Variants in EIF5B observed in about 807,000 individuals in gnomAD.
EIF5B encodes eIF-5B.
Under a neutral mutation model 147.5 loss-of-function variants are expected in EIF5B, and 47 were observed. That is an observed-to-expected ratio of 0.32 (90% CI 0.25 to 0.41). The LOEUF (loss-of-function observed/expected upper bound fraction) is 0.41. EIF5B is among the 10% of genes least tolerant of loss of function. The pLI is 1.00. For missense variants in EIF5B, 1,064 were observed against 1,413.2 expected, an observed-to-expected ratio of 0.75 and a Z score of 3.96; for synonymous variants, 455 against 456.2, an observed-to-expected ratio of 1.00 and a Z score of 0.03.
chr2:99,344,404 T>TTTG (rs149285717), intron 1 of EIF5B, among the ~76,000 whole-genome samples: 9,007 of 149,442 alleles, frequency 0.06, 755 homozygotes, highest in African/African-American at 0.19. Flanking sequence ...GCCACCACAG[T>TTTG]TTGTTGTTGT....
rs1675154683 is a variant in EIF5B at position 99,399,542 on chromosome 2, T to C, written c.*128T>C. The C allele has an allele frequency of 3.8e-6, 3 of 796,128 alleles. No individual in the cohort carries two copies. Among genetic ancestry groups the C allele is most frequent in the South Asian group, 1.7e-5 (1 of 58,650 alleles). 49.3% of individuals were successfully genotyped at this position (796,128 alleles called of 1,614,324 possible). ...GACTTAAGTATGGAAGGAAGAAAAA[T>C]AGGTGTATAAAATGTTTTCCATGAG... On this transcript the variant is annotated 3_prime_UTR_variant, in exon 24 of 24. Coordinates refer to ENST00000289371, the MANE Select transcript of EIF5B (RefSeq NM_015904.4).
At chr2:99,394,430 T>C (rs772566048) in intron 19 of EIF5B, 32 bp downstream of exon 19, 1 of 1,613,420 alleles carries the variant, frequency 6.2e-7, no homozygotes, top group Non-Finnish European at 8.5e-7. Context: ...CACAAGTGAA[T>C]GGTGGTTGGT....
intron 1 of EIF5B, among the ~76,000 whole-genome samples, chr2:99,339,534 G>T (rs1391510149): frequency 2.0e-5 from 3 of 151,686 alleles, no homozygotes; most frequent in African/African-American, 7.3e-5. Flanking sequence ...ATATATATGT[G>T]TTTTTGTTTT....
At chr2:99,374,118 A>T (rs1674513781) in intron 9 of EIF5B, among the ~76,000 whole-genome samples, 2 of 151,786 alleles carry the variant, frequency 1.3e-5, no homozygotes, top group African/African-American at 2.4e-5. Context: ...GCAAAACCCC[A>T]CCTCTACTAA....
intron 1 of EIF5B, 93 bp downstream of exon 1, chr2:99,337,682 C>G (rs2094246266): frequency 1.4e-6 from 2 of 1,453,688 alleles, no homozygotes; most frequent in African/African-American, 1.4e-5. Context: ...GGGGTCTGGG[C>G]TCGCGATGAG....
At chr2:99,378,716 T>C (rs933911006) in intron 10 of EIF5B, among the ~76,000 whole-genome samples, 17 of 152,246 alleles carry the variant, frequency 1.1e-4, no homozygotes, top group African/African-American at 4.1e-4. Context: ...CTAGTCATTA[T>C]ATTCCATTAA....
rs777114346 is a variant in EIF5B, at chr2:99,390,619, A to G, written c.2662A>G (p.Ile888Val). 8.7e-6 allele frequency: 14 copies of G among 1,613,304 alleles called. No homozygotes were observed. Among genetic ancestry groups the G allele is most frequent in the Admixed American group, 1.7e-5 (1 of 60,000 alleles). The change falls in exon 17 of 24, where the codon ATC becomes GTC. Residue 888 changes from isoleucine (I) to valine (V), a missense_variant. Coordinates refer to ENST00000289371, the MANE Select transcript of EIF5B (RefSeq NM_015904.4). Reference protein sequence around the residue: ...INGRLKEGDTIIVPGVEGPIV... With the variant: ...INGRLKEGDTVIVPGVEGPIV... ...TGGGCGTTTGAAGGAAGGAGATACA[A>G]TCATTGTTCCTGGAGTAGAAGGGCC...
chr2:99,378,488 T>G (rs547373550), intron 10 of EIF5B, among the ~76,000 whole-genome samples: 51 of 152,346 alleles, frequency 3.3e-4, no homozygotes, highest in South Asian at 8.3e-4. Context: ...TTTACTTATT[T>G]AAGCTGAACC....
chr2:99,377,119 T>C (rs1158855443), intron 10 of EIF5B, among the ~76,000 whole-genome samples: 1 of 152,160 alleles, frequency 6.6e-6, no homozygotes, highest in Non-Finnish European at 1.5e-5. Flanking sequence ...TTCAGTATGC[T>C]TCAAGAGAAA....
intron 1 of EIF5B, among the ~76,000 whole-genome samples, chr2:99,346,353 T>C (rs989938365): frequency 1.3e-5 from 2 of 152,318 alleles, no homozygotes; most frequent in Admixed American, 6.5e-5. Flanking sequence ...TATTCAGAAA[T>C]CTGGTCTTGA....
chr2:99,368,445 T>G (rs1469521636), intron 6 of EIF5B, 48 bp from the exon 7 acceptor site: 1 of 1,329,232 alleles, frequency 7.5e-7, no homozygotes, highest in Admixed American at 1.7e-5. Context: ...ACTTCTCAGG[T>G]GACATGCAAG....
At chr2:99,364,242 G>T (rs939689855) in intron 5 of EIF5B, 29 bp from the exon 6 acceptor site, 1 of 1,547,136 alleles carries the variant, frequency 6.5e-7, no homozygotes, top group Non-Finnish European at 8.7e-7. Flanking sequence ...AATGAATACA[G>T]GTTTTGTCTG....
chr2:99,394,623 C>T (rs374214689), intron 20 of EIF5B, 38 bp downstream of exon 20: 173 of 1,612,902 alleles, frequency 1.1e-4, no homozygotes, highest in Non-Finnish European at 1.3e-4. Context: ...TTTCATGTTA[C>T]GTAGCTATCT....
chr2:99,399,450 A>C lies in EIF5B; in HGVS notation c.*36A>C, dbSNP rs765827776. The C allele has an allele frequency of 1.8e-5, 28 of 1,584,000 alleles. No homozygotes were observed. The highest frequency in any genetic ancestry group is 3.3e-5 in the Admixed American group (2 of 59,880). ...TGGAGCAGGAACTGGAGTAAATGCA[A>C]TACTGTGTTGTAATATCCCAACAAA... On this transcript the variant is annotated 3_prime_UTR_variant, in exon 24 of 24. Transcript: ENST00000289371.
intron 1 of EIF5B, among the ~76,000 whole-genome samples, chr2:99,345,504 G>A (rs2094270717): frequency 6.7e-6 from 1 of 149,322 alleles, no homozygotes; most frequent in South Asian, 2.1e-4. Context: ...TGAGGCATAA[G>A]AATTGCTTGA....
chr2:99,350,021 A>G (rs1393610342), intron 1 of EIF5B, among the ~76,000 whole-genome samples: 2 of 152,206 alleles, frequency 1.3e-5, no homozygotes, highest in Non-Finnish European at 2.9e-5. Flanking sequence ...TTGATTCCAC[A>G]TATGAATGAG....
intron 1 of EIF5B, among the ~76,000 whole-genome samples, chr2:99,345,452 G>A (rs923106813): frequency 6.6e-6 from 1 of 152,062 alleles, no homozygotes; most frequent in African/African-American, 2.4e-5. Context: ...AAATTAGCCA[G>A]GTGTGGTGGT....
intron 1 of EIF5B, 135 bp from the exon 2 acceptor site, chr2:99,360,101 A>G (rs3828162): frequency 0.87 from 911,259 of 1,051,110 alleles, 396,372 homozygotes; most frequent in East Asian, 0.96. Flanking sequence ...CTTGTGTTGT[A>G]ATGAAAGAAC....
chr2:99,354,239 G>A (rs1247485977), intron 1 of EIF5B, among the ~76,000 whole-genome samples: 1 of 152,130 alleles, frequency 6.6e-6, no homozygotes, highest in Non-Finnish European at 1.5e-5. Context: ...TCATTGGTAT[G>A]TAGTGATTCG....
Sources: gnomAD v4.1 joint callset for allele counts (sites outside exome capture counted in the v4.1 genomes callset) on GRCh38, gnomAD v4.1.1 for gene constraint, MANE v1.5 for transcripts, NCBI Gene and HGNC (gene_info 2026-07-23, HGNC 2026-07-21) for gene names.